The following PCCA variants were observed in gnomAD, a reference collection of about 807,000 sequenced individuals.
PCCA encodes propionyl-CoA carboxylase subunit alpha, also known as propionyl-CoA carboxylase alpha chain, mitochondrial.
A neutral mutation model predicts 101.3 loss-of-function variants in PCCA; 74 were observed. The observed-to-expected ratio is 0.73, with a 90% CI of 0.61 to 0.89. The LOEUF (loss-of-function observed/expected upper bound fraction) is 0.89. PCCA is among the 40% of genes least tolerant of loss of function. PCCA has a pLI of 0.00. For missense variants in PCCA, 891 were observed against 907.0 expected (o/e 0.98, Z 0.23); for synonymous variants, 294 against 313.6 (o/e 0.94, Z 0.66).
intron 6 of PCCA, among the ~76,000 whole-genome samples, chr13:100,177,781 A>G (rs1334543016): frequency 6.6e-6 from 1 of 152,242 alleles, no homozygotes; most frequent in African/African-American, 2.4e-5. Flanking sequence ...CAGAACTAAA[A>G]AAGACCAAAG....
Position 100,425,670 on chromosome 13 carries a change from C to T in PCCA, c.1784C>T (p.Thr595Met), listed in dbSNP as rs760669449. The T allele has an allele frequency of 1.1e-5, 18 of 1,613,906 alleles. No individual in the cohort carries two copies. Among genetic ancestry groups the T allele is most frequent in the Admixed American group, 5.0e-5 (3 of 60,004 alleles). Reference sequence around the variant, plus strand: ...GGGTCGAAACTAAATGTGACCAGCACGTGGAACCTGGCTTCGCCCTTATTG... The same window carrying T: ...GGGTCGAAACTAAATGTGACCAGCATGTGGAACCTGGCTTCGCCCTTATTG... ...VDGSKLNVTS[T>M]WNLASPLLSV... Residue 595 changes from threonine to methionine, a missense_variant, in exon 20 of 24, where the codon ACG becomes ATG. Thr to Met is a moderately conservative substitution (Grantham distance 81, BLOSUM62 -1). Coordinates refer to ENST00000376285, the MANE Select transcript of PCCA (RefSeq NM_000282.4).
At position 100,342,713 on chromosome 13, in the gene PCCA, C is replaced by CT. The variant is rs3058594; in HGVS notation, c.1643+2465dup. 3.4e-5 allele frequency among the ~76,000 whole-genome samples: 5 copies of CT among 148,960 alleles called. No homozygotes were observed. The East Asian group carries it at 6.1e-4, about 18-fold the overall frequency. The stretch of plus-strand genomic sequence containing the variant: ...TTCTTCAGATTGCTTTTTTGGTAAA[C>CT]TTTTTTTTTTTCTTTTCTTTTTAGA... On this transcript the variant is annotated intron_variant, in intron 18 of 23. Coordinates refer to ENST00000376285, the MANE Select transcript of PCCA (RefSeq NM_000282.4).
chr13:100,215,828 T>C (rs1344849017), intron 7 of PCCA, among the ~76,000 whole-genome samples: 2 of 152,020 alleles, frequency 1.3e-5, no homozygotes, highest in Admixed American at 1.3e-4. Context: ...TTAGTAGAGA[T>C]GAAGTTTCAC....
chr13:100,127,342 T>G (rs2050053413), intron 4 of PCCA, among the ~76,000 whole-genome samples: 1 of 152,184 alleles, frequency 6.6e-6, no homozygotes, highest in African/African-American at 2.4e-5. Flanking sequence ...TAACTTATAC[T>G]GAAGTTACTT....
chr13:100,188,810 T>G (rs2057520014), intron 6 of PCCA, among the ~76,000 whole-genome samples: 1 of 152,198 alleles, frequency 6.6e-6, no homozygotes, highest in South Asian at 2.1e-4. Context: ...TCCCTGATCT[T>G]TAGTGAGCAT....
At chr13:100,324,948 G>A (rs576832468) in intron 16 of PCCA, among the ~76,000 whole-genome samples, 2 of 152,256 alleles carry the variant, frequency 1.3e-5, no homozygotes, top group South Asian at 2.1e-4. Flanking sequence ...CATACAAAGT[G>A]CTACTAGTAA....
intron 18 of PCCA, among the ~76,000 whole-genome samples, chr13:100,341,571 T>C (rs1851065233): frequency 6.6e-6 from 1 of 152,094 alleles, no homozygotes; most frequent in Non-Finnish European, 1.5e-5. Context: ...TGGGCAACTC[T>C]AAGAGGCTTT....
At chr13:100,292,550 C>A (rs2065209944) in intron 12 of PCCA, among the ~76,000 whole-genome samples, 1 of 152,122 alleles carries the variant, frequency 6.6e-6, no homozygotes. Context: ...CATTTGCATG[C>A]TGTTTATTAT....
At chr13:100,257,429 T>G (rs568293277) in intron 8 of PCCA, among the ~76,000 whole-genome samples, 166 bp from the exon 9 acceptor site, 9 of 152,328 alleles carry the variant, frequency 5.9e-5, no homozygotes, top group African/African-American at 2.2e-4. Flanking sequence ...AATACATCAT[T>G]ACACTGGTGT....
rs1596067506 is a variant in PCCA, at chr13:100,474,101, C to G, written c.1899+24796C>G. ...ACAGAAGGTAGGGAATTGAATTGCTCATATTTGTTTTCTTTCTGGTACCTA... is the reference window on the plus strand; with the variant it reads ...ACAGAAGGTAGGGAATTGAATTGCTGATATTTGTTTTCTTTCTGGTACCTA... On this transcript the variant is annotated intron_variant, in intron 21 of 23. Coordinates refer to ENST00000376285, the MANE Select transcript of PCCA (RefSeq NM_000282.4). Among the ~76,000 whole-genome samples, 3 of 152,156 alleles carry G rather than the reference C, an allele frequency of 2.0e-5. No homozygotes were observed. The South Asian group carries it at 6.2e-4, about 32-fold the overall frequency.
intron 22 of PCCA, 111 bp from the exon 23 acceptor site, chr13:100,527,564 A>G: frequency 2.6e-6 from 2 of 763,926 alleles, no homozygotes. Context: ...GCTGCTGTTC[A>G]TAGACACATA....
At chr13:100,470,093 T>C (rs1192786964) in intron 21 of PCCA, among the ~76,000 whole-genome samples, 3 of 152,134 alleles carry the variant, frequency 2.0e-5, no homozygotes, top group Admixed American at 2.0e-4. Context: ...CGTTTCCACC[T>C]CTCAGTGGCC....
intron 6 of PCCA, among the ~76,000 whole-genome samples, chr13:100,172,618 A>G (rs1018128554): frequency 2.0e-5 from 3 of 152,252 alleles, no homozygotes; most frequent in African/African-American, 7.2e-5. Context: ...GTAGAGAAAG[A>G]CAATCAGGAA....
At chr13:100,206,180 C>T (rs756220333) in intron 6 of PCCA, among the ~76,000 whole-genome samples, 19 of 152,100 alleles carry the variant, frequency 1.2e-4, no homozygotes, top group Non-Finnish European at 2.4e-4. Flanking sequence ...AGCATCCTGC[C>T]ACTTGTAACA....
intron 7 of PCCA, among the ~76,000 whole-genome samples, chr13:100,224,444 C>G (rs994464663): frequency 2.0e-5 from 3 of 152,214 alleles, no homozygotes; most frequent in Non-Finnish European, 4.4e-5. Flanking sequence ...TCCACACCTC[C>G]GTGGAAGCTG....
chr13:100,437,468 T>C (rs1449308106), intron 20 of PCCA, among the ~76,000 whole-genome samples: 1 of 152,128 alleles, frequency 6.6e-6, no homozygotes, highest in African/African-American at 2.4e-5. Flanking sequence ...TCTAATAATT[T>C]AGCCAACTTT....
At position 100,520,385 on chromosome 13, in the gene PCCA, C is replaced by T. The variant is rs1259766615; in HGVS notation, c.2040+4818C>T. 4.6e-5 allele frequency among the ~76,000 whole-genome samples: 7 copies of T among 152,242 alleles called. No homozygotes were observed. In the East Asian group the frequency reaches 7.7e-4, roughly 17 times the overall value. ...GTTTTTGGCCGGGCGCGGTGGCTCA[C>T]GCCTGTAATCCCAGCACTTTGGGAG... is the stretch of plus-strand genomic sequence containing the variant. On this transcript the variant is annotated intron_variant, in intron 22 of 23. Transcript: ENST00000376285.
intron 4 of PCCA, among the ~76,000 whole-genome samples, chr13:100,125,404 G>A (rs1414820543): frequency 2.0e-5 from 3 of 152,178 alleles, no homozygotes; most frequent in South Asian, 2.1e-4. Context: ...AAAGTCTTAC[G>A]GCAAAGCCTC....
chr13:100,285,785 G>A lies in PCCA; in HGVS notation c.1065+12439G>A, dbSNP rs374787028. Among the ~76,000 whole-genome samples the A allele has an allele frequency of 1.2e-4, 18 of 152,252 alleles. No individual in the cohort carries two copies. The South Asian group carries it at 3.1e-3, about 26-fold the overall frequency. On this transcript the variant is annotated intron_variant, in intron 12 of 23. Transcript: ENST00000376285. ...GACTTATGCTGCCCGAGATGATCTC[G>A]TAGAAGTCCCCTTAACTAATCCTGA...
Sources: allele counts gnomAD v4.1 joint callset (sites outside exome capture counted in the v4.1 genomes callset), GRCh38; gene constraint gnomAD v4.1.1; transcripts MANE v1.5; gene names NCBI Gene and HGNC (gene_info 2026-07-23, HGNC 2026-07-21).